The following CCZ1B variants were observed in gnomAD, a reference collection of about 807,000 sequenced individuals.
CCZ1B encodes the protein CCZ1B vacuolar protein trafficking and biogenesis associated, also known as vacuolar fusion protein CCZ1 homolog B.
In CCZ1B, 25 loss-of-function variants were observed where a neutral mutation model predicts 58.8. That is an observed-to-expected ratio of 0.43 (90% CI 0.31 to 0.59). CCZ1B has a LOEUF of 0.59. Ranked by LOEUF, CCZ1B falls within the 20% of genes least tolerant of loss-of-function variation. The pLI, the probability that CCZ1B is intolerant of heterozygous loss-of-function variation, is 0.12. For missense variants in CCZ1B, 180 were observed against 501.5 expected, an observed-to-expected ratio of 0.36 and a Z score of 6.12; for synonymous variants, 66 against 173.2, an observed-to-expected ratio of 0.38 and a Z score of 4.86.
rs779723005 is a variant in CCZ1B, at chr7:6,824,465, C to G, written c.302G>C (p.Trp101Ser). ...TGTGTGTGTAAATACCATGACCATC[C>G]AGAAATTTTCTTCTGGTTCATTGAA... ...QFFNEPEENF[W>S]MVMVVRNPII... The change falls in exon 3 of 15, where the codon TGG (tryptophan) becomes TCG (serine). Residue 101 changes from tryptophan to serine, a missense_variant. Trp to Ser is a radical substitution (Grantham distance 177). Coordinates refer to ENST00000316731, the MANE Select transcript of CCZ1B (RefSeq NM_198097.5). 71 of 1,605,418 alleles carry G rather than the reference C, an allele frequency of 4.4e-5. 3 individuals carry two copies. In the Admixed American group the frequency reaches 1.2e-3, roughly 27 times the overall value.
At chr7:6,822,715 T>G in intron 5 of CCZ1B, among the ~76,000 whole-genome samples, 1 of 114,122 alleles carries the variant, frequency 8.8e-6, no homozygotes, top group Non-Finnish European at 1.8e-5. Flanking sequence ...CCTTTTTTTT[T>G]TTTTTTGAGA....
rs1402046189 is a variant in CCZ1B, at chr7:6,820,482, T to A, written c.523-541A>T. Among the ~76,000 whole-genome samples the A allele has an allele frequency of 2.7e-4, 39 of 141,872 alleles. 3 individuals are homozygous for A. Among genetic ancestry groups the A allele is most frequent in the East Asian group, 1.0e-3 (5 of 5,002 alleles). The allele number at this position is 141,872 out of a possible 152,430, so 93.1% of individuals were successfully genotyped here. On this transcript the variant is annotated intron_variant, in intron 6 of 14. Coordinates refer to ENST00000316731, the MANE Select transcript of CCZ1B (RefSeq NM_198097.5). ...GTGAGCCACCACGCCTGGCCAAAAA[T>A]TTTTTTTTTTTTTTGGTATAGACAG...
At chr7:6,816,692 G>A (rs143914929) in intron 7 of CCZ1B, among the ~76,000 whole-genome samples, 3,535 of 150,462 alleles carry the variant, frequency 0.023, 32 homozygotes, top group Non-Finnish European at 0.036. Flanking sequence ...ACCACGCCTG[G>A]CTTAAAAGTC....
chr7:6,810,035 A>G (rs1361758750), intron 10 of CCZ1B, among the ~76,000 whole-genome samples: 3 of 150,756 alleles, frequency 2.0e-5, no homozygotes, highest in Admixed American at 1.3e-4. Flanking sequence ...TTTCTGAGAC[A>G]GAGTCTTGCT....
chr7:6,807,517 T>C (rs200454073), intron 10 of CCZ1B, among the ~76,000 whole-genome samples: 2 of 152,180 alleles, frequency 1.3e-5, no homozygotes, highest in East Asian at 3.9e-4. Context: ...ATTCCAGAAG[T>C]ATGAAGAACC....
At chr7:6,804,082 G>A (rs1434255918) in intron 12 of CCZ1B, among the ~76,000 whole-genome samples, 2 of 150,884 alleles carry the variant, frequency 1.3e-5, no homozygotes, top group African/African-American at 4.9e-5. Context: ...TTCGCAAAGT[G>A]CTTTCCATCG....
intron 10 of CCZ1B, among the ~76,000 whole-genome samples, chr7:6,809,187 T>C (rs1782882748): frequency 8.3e-6 from 1 of 120,008 alleles, no homozygotes; most frequent in South Asian, 3.5e-4. Context: ...CTGAGTCCTG[T>C]AGTACTTCTA....
chr7:6,808,177 G>A (rs1583549799), intron 10 of CCZ1B, among the ~76,000 whole-genome samples: 1 of 126,404 alleles, frequency 7.9e-6, no homozygotes. Context: ...CTGGCCATGT[G>A]GGGCCAGCTG....
chr7:6,814,546 C>T, intron 8 of CCZ1B: 2 of 420,392 alleles, frequency 4.8e-6, no homozygotes, highest in South Asian at 1.0e-4. Flanking sequence ...CACAGACACA[C>T]AAAACGATGC....
At chr7:6,824,282 G>A in intron 3 of CCZ1B, 116 bp from the exon 4 acceptor site, 1 of 1,536,658 alleles carries the variant, frequency 6.5e-7, no homozygotes, top group South Asian at 1.2e-5. Context: ...TCTTAAAACA[G>A]CCCCAAGAAT....
intron 10 of CCZ1B, among the ~76,000 whole-genome samples, chr7:6,807,911 G>A (rs1188777297): frequency 1.1e-5 from 1 of 89,990 alleles, no homozygotes; most frequent in African/African-American, 3.9e-5. Context: ...GGGCATAAAT[G>A]GTTAACTTTA....
chr7:6,819,960 G>C lies in CCZ1B; in HGVS notation c.523-19C>G, dbSNP rs767414412. On this transcript the variant is annotated intron_variant, in intron 6 of 14. Transcript: ENST00000316731. ...GCAAATACTGTGGAAAAAAAATAAG[G>C]CATAAAATTTACTAATAGTACACTG... 1.9e-6 allele frequency: 3 copies of C among 1,605,758 alleles called. No individual in the cohort carries two copies. The Admixed American group carries it at 5.0e-5, about 27-fold the overall frequency.
intron 7 of CCZ1B, among the ~76,000 whole-genome samples, 197 bp from the exon 8 acceptor site, chr7:6,815,042 T>C (rs1782978286): frequency 6.7e-6 from 1 of 148,954 alleles, no homozygotes; most frequent in African/African-American, 2.5e-5. Flanking sequence ...AAAATGAGTT[T>C]CCTTTTTCCT....
intron 6 of CCZ1B, among the ~76,000 whole-genome samples, chr7:6,821,202 A>C (rs1230861932): frequency 6.7e-6 from 1 of 149,828 alleles, no homozygotes; most frequent in Non-Finnish European, 1.5e-5. Flanking sequence ...AGTAGAGACG[A>C]GGTTTCACCA....
At chr7:6,816,346 T>C (rs1782999205) in intron 7 of CCZ1B, among the ~76,000 whole-genome samples, 1 of 148,994 alleles carries the variant, frequency 6.7e-6, no homozygotes, top group Non-Finnish European at 1.5e-5. Context: ...CTAGGCCTGA[T>C]AGCACACACC....
At chr7:6,816,718 A>G (rs1237566661) in intron 7 of CCZ1B, among the ~76,000 whole-genome samples, 2 of 150,936 alleles carry the variant, frequency 1.3e-5, no homozygotes, top group Non-Finnish European at 2.9e-5. Context: ...GGTATTTAAT[A>G]TAACAGCTTT....
In CCZ1B at chr7:6,801,816, C is replaced by CG. The variant is rs1482136270; in HGVS notation, c.1107-294_1107-293insC. Among the ~76,000 whole-genome samples the CG allele has an allele frequency of 2.1e-4, 18 of 83,986 alleles. 1 individual carries two copies. Among genetic ancestry groups the CG allele is most frequent in the African/African-American group, 7.7e-4 (18 of 23,268 alleles). The allele number at this position is 83,986 out of a possible 152,430, so 55.1% of individuals were successfully genotyped here. A position where few individuals can be genotyped will look rare whatever the true frequency, so the allele number is the denominator to read the frequency against. The stretch of plus-strand genomic sequence containing the variant: ...GTCTCGATCTCCTGACCTTGTGATC[C>CG]ACCCGCCTTGGCCTCCCAAAGTGCA... On this transcript the variant is annotated intron_variant, in intron 12 of 14. Transcript: ENST00000316731.
chr7:6,813,844 A>G lies in CCZ1B; in HGVS notation c.781-807T>C, dbSNP rs527540436. Among the ~76,000 whole-genome samples, 25 of 110,990 alleles carry G rather than the reference A, an allele frequency of 2.3e-4. 1 individual carries two copies. In the Admixed American group the frequency reaches 2.3e-3, roughly 10 times the overall value. 72.8% of individuals were successfully genotyped at this position (110,990 alleles called of 152,430 possible). On this transcript the variant is annotated intron_variant, in intron 8 of 14. Transcript: ENST00000316731. ...GCATTTTAAAGGTTTCTAGAACCCAACCTAAAATCCAATTTTTTTGGCCAG... is the reference window on the plus strand; with the variant it reads ...GCATTTTAAAGGTTTCTAGAACCCAGCCTAAAATCCAATTTTTTTGGCCAG...
At chr7:6,804,503 C>T (rs1347737785) in intron 12 of CCZ1B, among the ~76,000 whole-genome samples, 1 of 113,294 alleles carries the variant, frequency 8.8e-6, no homozygotes, top group Non-Finnish European at 1.8e-5. Flanking sequence ...GCCTCTCCCA[C>T]TCAGTGTAGA....
Sources: gnomAD v4.1 joint callset for allele counts (sites outside exome capture counted in the v4.1 genomes callset) on GRCh38, gnomAD v4.1.1 for gene constraint, MANE v1.5 for transcripts, NCBI Gene and HGNC (gene_info 2026-07-23, HGNC 2026-07-21) for gene names.